EVI5: variants seen among roughly 807,000 people sequenced by gnomAD.
EVI5 encodes the protein ecotropic viral integration site 5.
In EVI5, 73 loss-of-function variants were observed where a neutral mutation model predicts 112.0. That is an observed-to-expected ratio of 0.65 (90% CI 0.54 to 0.79). The LOEUF (loss-of-function observed/expected upper bound fraction) is 0.79, where lower values mean the gene tolerates loss of function less well. Ranked by LOEUF, EVI5 falls within the 30% of genes least tolerant of loss-of-function variation. The pLI, the probability that EVI5 is intolerant of heterozygous loss-of-function variation, is 0.00. For synonymous variants in EVI5, 305 were observed against 319.9 expected (o/e 0.95, Z 0.50); for missense variants, 900 against 968.8 (o/e 0.93, Z 0.94).
rs200279734 is a variant in EVI5, at chr1:92,511,948, T to A, written c.*1708A>T. 2.6e-5 allele frequency: 4 copies of A among 152,376 alleles called. No individual in the cohort carries two copies. The highest frequency in any genetic ancestry group is 5.9e-5 in the Non-Finnish European group (4 of 68,014). The allele number at this position is 152,376 out of a possible 1,614,324, so 9.4% of individuals were successfully genotyped here. ...CCGCATGCAACATACTGTGCAAAAC[T>A]GTGCCTCCATACATACTGAATTCTA... On this transcript the variant is annotated 3_prime_UTR_variant, in exon 20 of 20. Transcript: ENST00000684568.
intron 1 of EVI5, among the ~76,000 whole-genome samples, chr1:92,763,007 T>A (rs1682110171): frequency 6.6e-6 from 1 of 152,170 alleles, no homozygotes; most frequent in Admixed American, 6.5e-5. Context: ...GGCTCACACC[T>A]GTAATCCCAG....
chr1:92,783,221 T>G (rs1685088184), intron 1 of EVI5, among the ~76,000 whole-genome samples: 1 of 152,104 alleles, frequency 6.6e-6, no homozygotes, highest in South Asian at 2.1e-4. Flanking sequence ...GTTATCATTT[T>G]AGAACAGAAA....
Position 92,778,714 on chromosome 1 carries a change from A to C in EVI5, c.-82+6122T>G, listed in dbSNP as rs11588667. Among the ~76,000 whole-genome samples, 1,240 of 152,362 alleles carry C rather than the reference A, an allele frequency of 8.1e-3. 11 individuals are homozygous for C. Among genetic ancestry groups the C allele is most frequent in the Non-Finnish European group, 0.01 (687 of 68,034 alleles). On this transcript the variant is annotated intron_variant, in intron 1 of 19. Coordinates refer to ENST00000684568, the MANE Select transcript of EVI5 (RefSeq NM_001350197.2). ...CTGGAATTATCTTGGCAGCTTTAAA[A>C]AATACTGGTGCTAATCTTCGGAGAT...
chr1:92,530,108 T>C (rs1204316830), intron 19 of EVI5, among the ~76,000 whole-genome samples: 1 of 152,200 alleles, frequency 6.6e-6, no homozygotes, highest in Non-Finnish European at 1.5e-5. Flanking sequence ...TTCTTAATCA[T>C]ATTTATATCC....
chr1:92,637,627 A>G (rs1659152878), intron 13 of EVI5, among the ~76,000 whole-genome samples: 1 of 152,212 alleles, frequency 6.6e-6, no homozygotes, highest in African/African-American at 2.4e-5. Context: ...ATTGTCTATC[A>G]CTTCACATTT....
intron 1 of EVI5, chr1:92,756,592 G>C (rs1680986564): frequency 2.0e-6 from 1 of 504,574 alleles, no homozygotes; most frequent in Admixed American, 2.1e-5. Flanking sequence ...GAGAGGACAA[G>C]CAGGACCTCA....
intron 13 of EVI5, among the ~76,000 whole-genome samples, chr1:92,648,036 T>C (rs1661299954): frequency 7.1e-6 from 1 of 140,400 alleles, no homozygotes; most frequent in African/African-American, 2.6e-5. Flanking sequence ...TGAGCCACCA[T>C]GCCTGGCCTC....
intron 1 of EVI5, among the ~76,000 whole-genome samples, chr1:92,766,182 A>T (rs759786108): frequency 6.6e-6 from 1 of 150,706 alleles, no homozygotes; most frequent in Non-Finnish European, 1.5e-5. Flanking sequence ...CTGAAATTTG[A>T]TTATTTAAGC....
chr1:92,585,656 TTAGA>T lies in EVI5; in HGVS notation c.2070+19647_2070+19650del, dbSNP rs1557841558. 3.3e-5 allele frequency among the ~76,000 whole-genome samples: 5 copies of T among 152,108 alleles called. No individual in the cohort carries two copies. The South Asian group carries it at 8.3e-4, about 25-fold the overall frequency. On this transcript the variant is annotated intron_variant, in intron 18 of 19. Transcript: ENST00000684568. The stretch of plus-strand genomic sequence containing the variant: ...ACTCACAAACTAGTTTTAAAAAAAA[TTAGA>T]TACTTTTTAGAAAAGTTTTAAATTT...
At position 92,510,313 on chromosome 1, in the gene EVI5, G is replaced by A. The variant is rs1040972192; in HGVS notation, c.*3343C>T. The A allele has an allele frequency of 6.6e-6, 1 of 152,194 alleles. No individual in the cohort carries two copies. The highest frequency in any genetic ancestry group is 1.5e-5 in the Non-Finnish European group (1 of 68,036). The allele number at this position is 152,194 out of a possible 1,614,324, so 9.4% of individuals were successfully genotyped here. On this transcript the variant is annotated 3_prime_UTR_variant, in exon 20 of 20. Transcript: ENST00000684568. The stretch of plus-strand genomic sequence containing the variant: ...ATACTCTTAAAGGTCTGTGATGCAT[G>A]CTTTAAAGAACAGTGATGGGATTCT...
chr1:92,611,766 A>G (rs1448881265), intron 16 of EVI5, among the ~76,000 whole-genome samples: 1 of 151,462 alleles, frequency 6.6e-6, no homozygotes, highest in East Asian at 1.9e-4. Context: ...ACTGTCAAAT[A>G]TAAGAAGAGA....
At chr1:92,787,843 C>G (rs1209938030), upstream of EVI5, among the ~76,000 whole-genome samples, 1 of 151,860 alleles carries the variant, frequency 6.6e-6, no homozygotes, top group African/African-American at 2.4e-5. Context: ...TAAAATTGTA[C>G]CTTTTTTATC....
chr1:92,618,087 T>C (rs138700857), intron 16 of EVI5, among the ~76,000 whole-genome samples: 29 of 152,300 alleles, frequency 1.9e-4, no homozygotes, highest in Admixed American at 1.3e-3. Flanking sequence ...TAGGTGACAA[T>C]ACTTTGCAGG....
chr1:92,554,143 T>C (rs1467177743), intron 19 of EVI5, among the ~76,000 whole-genome samples: 2 of 152,084 alleles, frequency 1.3e-5, no homozygotes, highest in African/African-American at 4.8e-5. Context: ...CAGTCTTAGA[T>C]AGAATAGAAG....
At chr1:92,587,453 A>G (rs1571722356) in intron 18 of EVI5, among the ~76,000 whole-genome samples, 2 of 152,018 alleles carry the variant, frequency 1.3e-5, no homozygotes, top group Admixed American at 6.6e-5. Flanking sequence ...AACTAATCAC[A>G]AAGCTTTATG....
intron 10 of EVI5, among the ~76,000 whole-genome samples, chr1:92,675,965 A>G (rs1246517669): frequency 1.3e-5 from 2 of 151,740 alleles, no homozygotes; most frequent in Non-Finnish European, 2.9e-5. Context: ...CAAAAAAAAA[A>G]AAAAAGAAAA....
chr1:92,716,979 C>A (rs1326566278), intron 2 of EVI5, among the ~76,000 whole-genome samples: 1 of 152,026 alleles, frequency 6.6e-6, no homozygotes, highest in African/African-American at 2.4e-5. Flanking sequence ...TAATAACAAA[C>A]TTCTCCGAGC....
At chr1:92,669,547 CA>C (rs56412396) in intron 10 of EVI5, among the ~76,000 whole-genome samples, 699 of 51,778 alleles carry the variant, frequency 0.013, 82 homozygotes, top group South Asian at 0.056. Context: ...GGCTCTGTCT[CA>C]AAAAAAAAAA....
chr1:92,743,708 C>G (rs1031845196), intron 1 of EVI5, among the ~76,000 whole-genome samples: 4 of 152,064 alleles, frequency 2.6e-5, no homozygotes, highest in Non-Finnish European at 5.9e-5. Flanking sequence ...AAAAATTACC[C>G]CTTTCATTCT....
Sources: gnomAD v4.1 joint callset for allele counts (sites outside exome capture counted in the v4.1 genomes callset) on GRCh38, gnomAD v4.1.1 for gene constraint, MANE v1.5 for transcripts, NCBI Gene and HGNC (gene_info 2026-07-23, HGNC 2026-07-21) for gene names.